The following TBC1D14 variants were observed in gnomAD, a reference collection of about 807,000 sequenced individuals.
TBC1D14 encodes the protein TBC1 domain family member 14.
A neutral mutation model predicts 79.0 loss-of-function variants in TBC1D14; 26 were observed. That is an observed-to-expected ratio of 0.33 (90% CI 0.24 to 0.46). The LOEUF is 0.46. TBC1D14 is among the 20% of genes least tolerant of loss of function. The probability of loss-of-function intolerance (pLI) is 1.00; values close to 1 mark genes in which losing one functional copy is unlikely to be tolerated. For missense variants in TBC1D14, 769 were observed against 887.6 expected (o/e 0.87, Z 1.70); for synonymous variants, 394 against 349.9 (o/e 1.13, Z -1.40).
At chr4:6,917,029 G>C (rs912735264) in intron 1 of TBC1D14, among the ~76,000 whole-genome samples, 2 of 152,196 alleles carry the variant, frequency 1.3e-5, no homozygotes, top group Non-Finnish European at 2.9e-5. Flanking sequence ...TCACCATCTG[G>C]TCTAGCCCCT....
intron 5 of TBC1D14, 128 bp downstream of exon 5, chr4:6,996,535 T>TAAAA (rs11374636): frequency 5.7e-6 from 3 of 526,960 alleles, no homozygotes; most frequent in South Asian, 2.5e-5. Context: ...AGTCTTCCAG[T>TAAAA]AAAAAAAAAA....
At chr4:6,910,721 A>C (rs1430149576) in intron 1 of TBC1D14, 1 of 152,182 alleles carries the variant, frequency 6.6e-6, no homozygotes, top group Non-Finnish European at 1.5e-5. Context: ...CTCCAGAGCC[A>C]GCCTCTGCGA....
intron 8 of TBC1D14, 100 bp from the exon 9 acceptor site, chr4:7,006,532 A>T (rs1720212970): frequency 4.0e-6 from 4 of 997,028 alleles, no homozygotes; most frequent in Non-Finnish European, 6.1e-6. Flanking sequence ...CTTCTGAAAA[A>T]CTTTTTTCCG....
At chr4:6,915,358 T>TG (rs779265402) in intron 1 of TBC1D14, among the ~76,000 whole-genome samples, 30 of 151,418 alleles carry the variant, frequency 2.0e-4, no homozygotes, top group Non-Finnish European at 2.7e-4. Context: ...GGGTAGGGGG[T>TG]TGGGGGTCAC....
intron 2 of TBC1D14, among the ~76,000 whole-genome samples, chr4:6,947,285 C>T (rs1299231459): frequency 6.6e-6 from 1 of 152,126 alleles, no homozygotes; most frequent in Non-Finnish European, 1.5e-5. Context: ...ATCACGAGGT[C>T]AGGAGATCGA....
intron 2 of TBC1D14, among the ~76,000 whole-genome samples, chr4:6,942,830 T>G (rs1164283522): frequency 6.6e-6 from 1 of 152,182 alleles, no homozygotes; most frequent in African/African-American, 2.4e-5. Context: ...TACCTGGCTG[T>G]TCATTCACTG....
intron 9 of TBC1D14, among the ~76,000 whole-genome samples, chr4:7,008,362 C>G (rs563866544): frequency 1.3e-5 from 2 of 152,304 alleles, no homozygotes; most frequent in South Asian, 4.1e-4. Context: ...AAGCAAAGAA[C>G]AGTTGAGGGG....
chr4:6,925,856 C>T (rs1265891692), intron 2 of TBC1D14, among the ~76,000 whole-genome samples: 1 of 152,148 alleles, frequency 6.6e-6, no homozygotes, highest in Non-Finnish European at 1.5e-5. Flanking sequence ...ACCTGGTACC[C>T]GTTCCACGCG....
In TBC1D14 at chr4:7,030,239, T is replaced by A. The variant is rs1000119360; in HGVS notation, c.2017-88T>A. On this transcript the variant is annotated intron_variant, in intron 13 of 13. Transcript: ENST00000409757. ...GAAGTGGGGAGCCGGGGGACCCTGTTAGGAGGCTACTGCTGTCTCTGCTTC... is the reference window on the plus strand; with the variant it reads ...GAAGTGGGGAGCCGGGGGACCCTGTAAGGAGGCTACTGCTGTCTCTGCTTC... 2.0e-5 allele frequency: 26 copies of A among 1,288,750 alleles called. 1 individual carries two copies. The South Asian group carries it at 3.1e-4, about 15-fold the overall frequency. The allele number at this position is 1,288,750 out of a possible 1,614,324, so 79.8% of individuals were successfully genotyped here. A position where few individuals can be genotyped will look rare whatever the true frequency, so the allele number is the denominator to read the frequency against.
At chr4:6,954,510 A>G (rs1225505729) in intron 2 of TBC1D14, among the ~76,000 whole-genome samples, 1 of 152,166 alleles carries the variant, frequency 6.6e-6, no homozygotes, top group African/African-American at 2.4e-5. Context: ...CTATCTAGGC[A>G]GCATCTCTGA....
At chr4:6,996,441 G>A (rs1482027085) in intron 5 of TBC1D14, 34 bp downstream of exon 5, 6 of 1,500,398 alleles carry the variant, frequency 4.0e-6, no homozygotes, top group Non-Finnish European at 5.6e-6. Context: ...GTTAAATCAG[G>A]CAGCACAGGG....
In TBC1D14 at chr4:7,027,534, C is replaced by T. The variant is rs1385266599; in HGVS notation, c.2016+2272C>T. Among the ~76,000 whole-genome samples the T allele has an allele frequency of 2.0e-5, 3 of 146,670 alleles. No individual in the cohort carries two copies. In the East Asian group the frequency reaches 6.3e-4, roughly 31 times the overall value. The stretch of plus-strand genomic sequence containing the variant: ...ACACCCAGTCACCCCACACACACAT[C>T]ACATACACAATCACCACACACCACA... On this transcript the variant is annotated intron_variant, in intron 13 of 13. Transcript: ENST00000409757.
chr4:6,948,184 G>A (rs376320683), intron 2 of TBC1D14, among the ~76,000 whole-genome samples: 2 of 152,144 alleles, frequency 1.3e-5, no homozygotes, highest in African/African-American at 4.8e-5. Context: ...GAACACACTC[G>A]TGTGTCTGCC....
chr4:6,930,907 T>A (rs922539637), intron 2 of TBC1D14, among the ~76,000 whole-genome samples: 1 of 152,098 alleles, frequency 6.6e-6, no homozygotes, highest in Admixed American at 6.6e-5. Context: ...TATTTATTTT[T>A]AAAATGTTTT....
At chr4:6,935,234 T>C (rs1712192952) in intron 2 of TBC1D14, among the ~76,000 whole-genome samples, 1 of 152,154 alleles carries the variant, frequency 6.6e-6, no homozygotes, top group South Asian at 2.1e-4. Flanking sequence ...GTGATTTTTT[T>C]TTTTCCTTTT....
At chr4:7,001,083 C>A (rs1425778266) in intron 6 of TBC1D14, 62 bp from the exon 7 acceptor site, 9 of 1,452,622 alleles carry the variant, frequency 6.2e-6, no homozygotes, top group South Asian at 1.2e-5. Flanking sequence ...GGGCTAGGCA[C>A]GCAGGTAGAC....
In TBC1D14 at chr4:6,913,023, C is replaced by T. The variant is rs555181241; in HGVS notation, c.-18+3072C>T. On this transcript the variant is annotated intron_variant, in intron 1 of 13. Transcript: ENST00000409757. ...TATTCTATTTTTTGAGACAGCGTTTCGCTCTTGTTGCCCAGGCTGGAGTGC... is the reference window on the plus strand; with the variant it reads ...TATTCTATTTTTTGAGACAGCGTTTTGCTCTTGTTGCCCAGGCTGGAGTGC... Among the ~76,000 whole-genome samples, 15 of 152,266 alleles carry T rather than the reference C, an allele frequency of 9.9e-5. No individual in the cohort carries two copies. In the East Asian group the frequency reaches 1.7e-3, roughly 18 times the overall value.
intron 13 of TBC1D14, among the ~76,000 whole-genome samples, chr4:7,027,864 C>T (rs1038421240): frequency 3.5e-5 from 5 of 144,606 alleles, no homozygotes; most frequent in African/African-American, 1.3e-4. Flanking sequence ...ACACAGATCA[C>T]CCCCATGCAC....
At chr4:7,008,632 C>A (rs1379923972) in intron 9 of TBC1D14, among the ~76,000 whole-genome samples, 1 of 152,160 alleles carries the variant, frequency 6.6e-6, no homozygotes, top group Non-Finnish European at 1.5e-5. Flanking sequence ...AGGCTGGTCT[C>A]GAACTCCTGA....
Sources: gnomAD v4.1 joint callset for allele counts (sites outside exome capture counted in the v4.1 genomes callset) on GRCh38, gnomAD v4.1.1 for gene constraint, MANE v1.5 for transcripts, NCBI Gene and HGNC (gene_info 2026-07-23, HGNC 2026-07-21) for gene names.